TRIO: variants seen among roughly 807,000 people sequenced by gnomAD.
TRIO encodes the protein triple functional domain protein.
A neutral mutation model predicts 351.9 loss-of-function variants in TRIO; 58 were observed. That is an observed-to-expected ratio of 0.16 (90% CI 0.13 to 0.21). TRIO has a LOEUF of 0.21. Ranked by LOEUF, TRIO falls within the 10% of genes least tolerant of loss-of-function variation. The pLI is 1.00. For synonymous variants in TRIO, 1,758 were observed against 1,595.7 expected, an observed-to-expected ratio of 1.10 and a Z score of -2.42; for missense variants, 3,201 against 4,027.8, an observed-to-expected ratio of 0.79 and a Z score of 5.56.
intron 3 of TRIO, among the ~76,000 whole-genome samples, chr5:14,284,831 C>A (rs765632744): frequency 6.6e-6 from 1 of 152,182 alleles, no homozygotes; most frequent in African/African-American, 2.4e-5. Context: ...CTTTGGTGTA[C>A]GGCAGCAGAA....
intron 34 of TRIO, among the ~76,000 whole-genome samples, chr5:14,432,961 AC>A (rs1751297402): frequency 6.6e-6 from 1 of 152,234 alleles, no homozygotes; most frequent in Non-Finnish European, 1.5e-5. Flanking sequence ...CATCAAAAGC[AC>A]ATGTTGGCAG....
chr5:14,149,352 T>C (rs139200606), intron 1 of TRIO, among the ~76,000 whole-genome samples: 20 of 152,362 alleles, frequency 1.3e-4, no homozygotes, highest in Non-Finnish European at 2.5e-4. Context: ...CTTGCTCTCA[T>C]GTTTAATGGT....
intron 10 of TRIO, among the ~76,000 whole-genome samples, chr5:14,336,262 A>G (rs2152319078): frequency 6.6e-6 from 1 of 152,348 alleles, no homozygotes; most frequent in South Asian, 2.1e-4. Context: ...CTGAGTCACA[A>G]GACAGCCAGC....
At chr5:14,331,942 A>G (rs1176046240) in intron 10 of TRIO, among the ~76,000 whole-genome samples, 1 of 152,196 alleles carries the variant, frequency 6.6e-6, no homozygotes, top group East Asian at 1.9e-4. Flanking sequence ...TTTCATGCGA[A>G]GCTTTTTGCA....
intron 34 of TRIO, chr5:14,420,329 G>C (rs1038455367): frequency 6.2e-6 from 2 of 322,898 alleles, no homozygotes; most frequent in Non-Finnish European, 1.2e-5. Flanking sequence ...TTTATCATCT[G>C]TGCCTTCTTC....
intron 3 of TRIO, among the ~76,000 whole-genome samples, chr5:14,285,444 A>C (rs1026127642): frequency 1.3e-5 from 2 of 151,858 alleles, no homozygotes; most frequent in African/African-American, 2.4e-5. Flanking sequence ...TGTAGATGTC[A>C]TATGTACTTT....
intron 1 of TRIO, among the ~76,000 whole-genome samples, chr5:14,159,321 C>CAAAAAA (rs34735917): frequency 7.1e-6 from 1 of 140,442 alleles, no homozygotes; most frequent in Non-Finnish European, 1.6e-5. Context: ...AAATCGCAGT[C>CAAAAAA]AAAAAAAAAA....
chr5:14,331,002 G>A, intron 10 of TRIO, 102 bp downstream of exon 10: 1 of 1,532,014 alleles, frequency 6.5e-7, no homozygotes. Context: ...TTAGCTCGAT[G>A]TGTTTGACAC....
intron 1 of TRIO, chr5:14,183,903 C>T (rs747936667): frequency 2.3e-5 from 16 of 694,708 alleles, no homozygotes; most frequent in South Asian, 5.9e-5. Flanking sequence ...ATTTTATTTT[C>T]GTGGTAACCG....
At chr5:14,222,503 A>G (rs1461461860) in intron 1 of TRIO, among the ~76,000 whole-genome samples, 1 of 152,190 alleles carries the variant, frequency 6.6e-6, no homozygotes, top group East Asian at 1.9e-4. Flanking sequence ...CCAGTAAATC[A>G]TCTGCTCTGA....
At chr5:14,299,789 T>C (rs1013616045) in intron 7 of TRIO, among the ~76,000 whole-genome samples, 1 of 152,208 alleles carries the variant, frequency 6.6e-6, no homozygotes, top group African/African-American at 2.4e-5. Context: ...GGAATTTAAA[T>C]CTGATTAGGG....
At chr5:14,460,310 A>G (rs1753679784) in intron 34 of TRIO, among the ~76,000 whole-genome samples, 1 of 152,152 alleles carries the variant, frequency 6.6e-6, no homozygotes, top group Admixed American at 6.5e-5. Flanking sequence ...ACTGTGAGCA[A>G]AGTCCCGGTG....
At chr5:14,200,964 A>G (rs1210753840) in intron 1 of TRIO, among the ~76,000 whole-genome samples, 1 of 152,200 alleles carries the variant, frequency 6.6e-6, no homozygotes, top group Non-Finnish European at 1.5e-5. Flanking sequence ...GTACATAAAA[A>G]GAAAACATTC....
At chr5:14,283,385 C>T (rs1263290328) in intron 3 of TRIO, among the ~76,000 whole-genome samples, 1 of 152,174 alleles carries the variant, frequency 6.6e-6, no homozygotes, top group African/African-American at 2.4e-5. Flanking sequence ...ACATGGGCCT[C>T]AGAATCAGAC....
rs1362371991 is a variant in TRIO at position 14,316,617 on chromosome 5, C to T, written c.1605C>T (p.His535=). The T allele has an allele frequency of 1.2e-6, 2 of 1,614,120 alleles. No homozygotes were observed. The highest frequency in any genetic ancestry group is 2.7e-5 in the African/African-American group (2 of 74,956). Residue 535 remains histidine, a synonymous_variant, in exon 9 of 57, where the codon CAC becomes CAT. Transcript: ENST00000344204. The part of the protein sequence containing the change: ...TASANYSKAV[H]HVLDVIHEVL... ...CTGCCAACTACTCCAAGGCCGTGCACCATGTCCTGGATGTCATCCACGAGG... is the reference window on the plus strand; with the variant it reads ...CTGCCAACTACTCCAAGGCCGTGCATCATGTCCTGGATGTCATCCACGAGG...
At chr5:14,256,112 C>G (rs1581459923) in intron 1 of TRIO, among the ~76,000 whole-genome samples, 1 of 152,200 alleles carries the variant, frequency 6.6e-6, no homozygotes, top group African/African-American at 2.4e-5. Flanking sequence ...GTAGGAAGCA[C>G]TGTGCCAGGA....
chr5:14,425,001 A>G (rs1328506536), intron 34 of TRIO, among the ~76,000 whole-genome samples: 1 of 152,220 alleles, frequency 6.6e-6, no homozygotes, highest in Non-Finnish European at 1.5e-5. Flanking sequence ...TGTTCACCCA[A>G]GAACATGGCT....
At position 14,509,966 on chromosome 5, in the gene TRIO, C is replaced by G. The variant is rs1187509311; in HGVS notation, c.*1544C>G. On this transcript the variant is annotated 3_prime_UTR_variant, in exon 57 of 57. Coordinates refer to ENST00000344204, the MANE Select transcript of TRIO (RefSeq NM_007118.4). Reference sequence around the variant, plus strand: ...TCTTTTGTTGGGTTTTTGTTTGTTTCTTCTTGTAAAATTGTACAGAAACTT... The same window carrying G: ...TCTTTTGTTGGGTTTTTGTTTGTTTGTTCTTGTAAAATTGTACAGAAACTT... The G allele has an allele frequency of 6.6e-6, 1 of 152,156 alleles. No individual in the cohort carries two copies. The highest frequency in any genetic ancestry group is 1.5e-5 in the Non-Finnish European group (1 of 68,028). The allele number at this position is 152,156 out of a possible 1,614,324, so 9.4% of individuals were successfully genotyped here.
chr5:14,401,754 G>T (rs935848070), intron 31 of TRIO, among the ~76,000 whole-genome samples: 1 of 152,140 alleles, frequency 6.6e-6, no homozygotes, highest in Non-Finnish European at 1.5e-5. Flanking sequence ...CTCTGTGTTT[G>T]AGAAAATACA....
Sources: gnomAD v4.1 joint callset for allele counts (sites outside exome capture counted in the v4.1 genomes callset) on GRCh38, gnomAD v4.1.1 for gene constraint, MANE v1.5 for transcripts, NCBI Gene and HGNC (gene_info 2026-07-23, HGNC 2026-07-21) for gene names.